ENOSF1: variants seen among roughly 807,000 people sequenced by gnomAD.
The protein encoded by ENOSF1 is mitochondrial enolase superfamily member 1.
ENOSF1 carries 73 observed loss-of-function variants against 68.2 expected under a neutral mutation model. That is an observed-to-expected ratio of 1.07 (90% CI 0.89 to 1.30). The LOEUF (loss-of-function observed/expected upper bound fraction) is 1.30. Among genes scored for constraint, ENOSF1 ranks in the 50% most tolerant of loss-of-function variants. ENOSF1 has a pLI of 0.00. For missense variants in ENOSF1, 589 were observed against 554.5 expected (o/e 1.06, Z -0.62); for synonymous variants, 223 against 210.4 (o/e 1.06, Z -0.52).
chr18:699,353 G>A (rs561554226), intron 2 of ENOSF1, among the ~76,000 whole-genome samples: 2 of 152,142 alleles, frequency 1.3e-5, no homozygotes, highest in East Asian at 1.9e-4. Context: ...CCCGCCTCTC[G>A]GGAGGCTGAG....
At chr18:709,809 G>C (rs1180708445) in intron 1 of ENOSF1, among the ~76,000 whole-genome samples, 1 of 152,114 alleles carries the variant, frequency 6.6e-6, no homozygotes, top group Non-Finnish European at 1.5e-5. Context: ...TTTGAGGACA[G>C]CTTTATTGCT....
intron 3 of ENOSF1, 94 bp from the exon 4 acceptor site, chr18:694,428 C>G: frequency 8.9e-7 from 1 of 1,121,652 alleles, no homozygotes; most frequent in Non-Finnish European, 1.3e-6. Context: ...ACTTTGGGAC[C>G]AAGACCAGCC....
chr18:696,776 C>G (rs914083680), intron 3 of ENOSF1, among the ~76,000 whole-genome samples: 1 of 152,048 alleles, frequency 6.6e-6, no homozygotes, highest in Non-Finnish European at 1.5e-5. Context: ...ATCTAAATGA[C>G]TCAAGCCTGA....
At chr18:683,841 A>G (rs2076349031) in intron 10 of ENOSF1, among the ~76,000 whole-genome samples, 1 of 152,022 alleles carries the variant, frequency 6.6e-6, no homozygotes, top group Non-Finnish European at 1.5e-5. Flanking sequence ...GCACAATAAT[A>G]AGTAGCCTTA....
downstream of ENOSF1, among the ~76,000 whole-genome samples, chr18:668,552 G>C (rs116736801): frequency 7.9e-3 from 1,203 of 152,310 alleles, 14 homozygotes; most frequent in African/African-American, 0.028. Context: ...ATTTTAGGTG[G>C]AAGTGTTGGA....
intron 5 of ENOSF1, chr18:692,607 A>G (rs1477800762): frequency 2.4e-5 from 18 of 746,376 alleles, no homozygotes; most frequent in Admixed American, 2.0e-4. Context: ...AAAAAAAAAA[A>G]AAAGAAAGAA....
At chr18:667,161 AGATGGTGATGGT>A (rs1318850948), downstream of ENOSF1, among the ~76,000 whole-genome samples, 4 of 38,500 alleles carry the variant, frequency 1.0e-4, 1 homozygote, top group Admixed American at 2.1e-4. Context: ...ATGGTGATGG[AGATGGTGATGGT>A]GATGGTGATG....
rs1399928495 is a variant in ENOSF1 at position 685,967 on chromosome 18, C to T, written c.695G>A (p.Arg232Gln). Reference sequence around the variant, plus strand: ...CATGTCTCGGATGATTTGGCATCTTCGCATGTCATCCTGGAGATCAGCACC... The same window carrying T: ...CATGTCTCGGATGATTTGGCATCTTTGCATGTCATCCTGGAGATCAGCACC... ...KVGADLQDDM[R>Q]RCQIIRDMIG... is the part of the protein sequence containing the mutation. The change falls in exon 10 of 16, where the codon CGA becomes CAA. Residue 232 changes from arginine to glutamine, a missense_variant. Physicochemically the swap from Arg to Gln is conservative, Grantham distance 43. Coordinates refer to ENST00000647584, the MANE Select transcript of ENOSF1 (RefSeq NM_017512.7). The T allele has an allele frequency of 1.9e-6, 3 of 1,614,128 alleles. No individual in the cohort carries two copies. Among genetic ancestry groups the T allele is most frequent in the East Asian group, 2.2e-5 (1 of 44,846 alleles).
chr18:678,135 G>A (rs539304250), intron 12 of ENOSF1, among the ~76,000 whole-genome samples: 2 of 152,336 alleles, frequency 1.3e-5, no homozygotes, highest in East Asian at 1.9e-4. Context: ...CCATTTATGA[G>A]GGAATGACTG....
chr18:693,106 C>T, intron 5 of ENOSF1: 3 of 1,288,952 alleles, frequency 2.3e-6, no homozygotes, highest in South Asian at 2.5e-5. Context: ...GCCAGCTCTG[C>T]ATGGGGTCTG....
At position 690,718 on chromosome 18, in the gene ENOSF1, A is replaced by G. The variant is rs1418764357; in HGVS notation, c.536-87T>C. ...CCTGTAGCTAAGCTGTTTCCCCTGG[A>G]GAGTCCAGCTGTTCTCCTGATCCGG... On this transcript the variant is annotated intron_variant, in intron 7 of 15. Coordinates refer to ENST00000647584, the MANE Select transcript of ENOSF1 (RefSeq NM_017512.7). The G allele has an allele frequency of 3.2e-6, 5 of 1,581,240 alleles. No homozygotes were observed. In the East Asian group the frequency reaches 1.2e-4, roughly 36 times the overall value.
At chr18:706,020 C>CATAT (rs774999215) in intron 2 of ENOSF1, among the ~76,000 whole-genome samples, 2 of 151,814 alleles carry the variant, frequency 1.3e-5, no homozygotes, top group South Asian at 4.2e-4. Context: ...AAAATATATA[C>CATAT]ATATATATAT....
At chr18:685,673 T>G (rs973106033) in intron 10 of ENOSF1, among the ~76,000 whole-genome samples, 3 of 152,310 alleles carry the variant, frequency 2.0e-5, no homozygotes, top group Middle Eastern at 3.4e-3. Flanking sequence ...TTTGCTCAGG[T>G]ACATCTGTGT....
chr18:691,029 G>T, intron 7 of ENOSF1, 39 bp downstream of exon 7: 1 of 1,610,844 alleles, frequency 6.2e-7, no homozygotes, highest in Non-Finnish European at 8.5e-7. Flanking sequence ...AGTGGACAAT[G>T]TTAGCAAAAA....
intron 14 of ENOSF1, among the ~76,000 whole-genome samples, 170 bp downstream of exon 14, chr18:677,175 C>T (rs534010661): frequency 3.9e-5 from 6 of 152,102 alleles, no homozygotes; most frequent in South Asian, 4.1e-4. Context: ...GCAAAATGAC[C>T]GTTCATTGGT....
At chr18:666,703 C>T (rs146878932), downstream of ENOSF1, among the ~76,000 whole-genome samples, 16 of 152,278 alleles carry the variant, frequency 1.1e-4, no homozygotes, top group East Asian at 2.3e-3. Context: ...ATTTTATGTG[C>T]GGTCATGAGA....
chr18:671,278 T>C lies in ENOSF1; in HGVS notation c.*3027A>G. 2 of 834,462 alleles carry C rather than the reference T, an allele frequency of 2.4e-6. No homozygotes were observed. Among genetic ancestry groups the C allele is most frequent in the Non-Finnish European group, 2.0e-6 (1 of 491,060 alleles). The allele number at this position is 834,462 out of a possible 1,614,324, so 51.7% of individuals were successfully genotyped here. A position where few individuals can be genotyped will look rare whatever the true frequency, so the allele number is the denominator to read the frequency against. ...GGAAAAGCTACACTAAATTATTTTTTTAAAAAAAGCCTTGCGGTGTCTGCA... is the reference window on the plus strand; with the variant it reads ...GGAAAAGCTACACTAAATTATTTTTCTAAAAAAAGCCTTGCGGTGTCTGCA... On this transcript the variant is annotated 3_prime_UTR_variant, in exon 16 of 16. Transcript: ENST00000647584.
At chr18:678,790 T>A in intron 11 of ENOSF1, 53 bp from the exon 12 acceptor site, 1 of 1,574,660 alleles carries the variant, frequency 6.4e-7, no homozygotes, top group Non-Finnish European at 8.7e-7. Context: ...GAACTGCAAC[T>A]CCTAATGTTT....
chr18:699,030 T>C (rs1411582115), intron 2 of ENOSF1, among the ~76,000 whole-genome samples: 1 of 152,154 alleles, frequency 6.6e-6, no homozygotes, highest in African/African-American at 2.4e-5. Context: ...AAATTTTTTG[T>C]AGTGACAAGG....
Sources: gnomAD v4.1 joint callset for allele counts (sites outside exome capture counted in the v4.1 genomes callset) on GRCh38, gnomAD v4.1.1 for gene constraint, MANE v1.5 for transcripts, NCBI Gene and HGNC (gene_info 2026-07-23, HGNC 2026-07-21) for gene names.